The following SLC24A2 variants were observed in gnomAD, a reference collection of about 807,000 sequenced individuals.
SLC24A2 encodes solute carrier family 24 member 2, also known as sodium/potassium/calcium exchanger 2.
In SLC24A2, 36 loss-of-function variants were observed where a neutral mutation model predicts 62.0. The observed-to-expected ratio is 0.58, with a 90% CI of 0.44 to 0.77. SLC24A2 has a LOEUF of 0.77. Ranked by LOEUF, SLC24A2 falls within the 30% of genes least tolerant of loss-of-function variation. SLC24A2 has a pLI of 0.00. For synonymous variants in SLC24A2, 358 were observed against 294.0 expected, an observed-to-expected ratio of 1.22 and a Z score of -2.23; for missense variants, 846 against 817.9, an observed-to-expected ratio of 1.03 and a Z score of -0.42.
intron 8 of SLC24A2, among the ~76,000 whole-genome samples, chr9:19,532,500 T>C (rs1049682485): frequency 2.0e-5 from 3 of 152,242 alleles, no homozygotes; most frequent in African/African-American, 7.2e-5. Context: ...TTTTTTACTG[T>C]TGTATTAAAA....
chr9:20,283,198 G>T, the SLC24A2 span, among the ~76,000 whole-genome samples: 3 of 152,170 alleles, frequency 2.0e-5, no homozygotes, highest in African/African-American at 7.2e-5. Flanking sequence ...AATACCAGTG[G>T]TTTTGAGCAT....
rs2132598211 is a variant in SLC24A2, at chr9:19,509,316, A to G, written c.*6837T>C. 1 of 152,332 alleles carries G rather than the reference A, an allele frequency of 6.6e-6. No individual in the cohort carries two copies. The highest frequency in any genetic ancestry group is 1.5e-5 in the Non-Finnish European group (1 of 68,004). The allele number at this position is 152,332 out of a possible 1,614,324, so 9.4% of individuals were successfully genotyped here. ...ATTTCTTTGATTTTCAAACAGTTTTATTAAAGCACACATCTAAAATGTATA... is the reference window on the plus strand; with the variant it reads ...ATTTCTTTGATTTTCAAACAGTTTTGTTAAAGCACACATCTAAAATGTATA... On this transcript the variant is annotated 3_prime_UTR_variant, in exon 11 of 11. Transcript: ENST00000341998.
the SLC24A2 span, among the ~76,000 whole-genome samples, chr9:19,849,707 A>T: frequency 1.3e-5 from 2 of 152,192 alleles, no homozygotes; most frequent in Non-Finnish European, 2.9e-5. Flanking sequence ...ACTTTCTGTC[A>T]TGTATCCAAC....
At chr9:19,950,884 T>C in the SLC24A2 span, among the ~76,000 whole-genome samples, 1 of 152,194 alleles carries the variant, frequency 6.6e-6, no homozygotes, top group Non-Finnish European at 1.5e-5. Context: ...TTGTGGTTAC[T>C]ATAAAATCTG....
chr9:19,756,699 C>T (rs1414317929), intron 2 of SLC24A2, among the ~76,000 whole-genome samples: 1 of 152,046 alleles, frequency 6.6e-6, no homozygotes, highest in Non-Finnish European at 1.5e-5. Flanking sequence ...AGCTAAAAAC[C>T]AGATTTTGTC....
chr9:20,306,965 T>C, the SLC24A2 span, among the ~76,000 whole-genome samples: 1 of 152,204 alleles, frequency 6.6e-6, no homozygotes, highest in Non-Finnish European at 1.5e-5. Flanking sequence ...CCCAAAGTGC[T>C]GGGATTACAG....
chr9:20,024,997 T>A, the SLC24A2 span, among the ~76,000 whole-genome samples: 1 of 152,198 alleles, frequency 6.6e-6, no homozygotes, highest in African/African-American at 2.4e-5. Context: ...AGGCCAGTGG[T>A]GTTCAAAGCT....
intron 2 of SLC24A2, among the ~76,000 whole-genome samples, chr9:19,749,406 G>A (rs1349481032): frequency 1.3e-5 from 2 of 152,036 alleles, no homozygotes; most frequent in African/African-American, 4.8e-5. Flanking sequence ...GACCACCAGA[G>A]ATTAAAAAGA....
chr9:19,550,470 G>A (rs930830725), intron 7 of SLC24A2, among the ~76,000 whole-genome samples: 5 of 152,170 alleles, frequency 3.3e-5, no homozygotes, highest in Admixed American at 6.5e-5. Context: ...CCATGAGCAT[G>A]TAAGAATTTT....
the SLC24A2 span, among the ~76,000 whole-genome samples, chr9:20,248,889 G>A: frequency 6.6e-6 from 1 of 152,124 alleles, no homozygotes; most frequent in Non-Finnish European, 1.5e-5. Context: ...CTAAATAGTT[G>A]TTTCCTCCAG....
chr9:20,237,364 T>A, the SLC24A2 span, among the ~76,000 whole-genome samples: 1 of 152,218 alleles, frequency 6.6e-6, no homozygotes, highest in East Asian at 1.9e-4. Context: ...TGGAAAAAGT[T>A]AAGTCTATTA....
chr9:19,601,159 C>G, intron 4 of SLC24A2, among the ~76,000 whole-genome samples: 1 of 151,838 alleles, frequency 6.6e-6, no homozygotes, highest in Admixed American at 6.6e-5. Context: ...TTGTAAAATG[C>G]ACCAATCAGT....
the SLC24A2 span, among the ~76,000 whole-genome samples, chr9:20,008,965 G>C: frequency 6.6e-6 from 1 of 152,168 alleles, no homozygotes; most frequent in Admixed American, 6.5e-5. Flanking sequence ...CAAGAACTCA[G>C]GAGTGAGGCT....
chr9:20,306,434 A>AT, the SLC24A2 span, among the ~76,000 whole-genome samples: 2 of 152,172 alleles, frequency 1.3e-5, no homozygotes, highest in Non-Finnish European at 1.5e-5. Flanking sequence ...GTCTTGCTTA[A>AT]TTTTTTCCCA....
chr9:19,535,811 G>C (rs565635598), intron 8 of SLC24A2, among the ~76,000 whole-genome samples: 4 of 152,246 alleles, frequency 2.6e-5, no homozygotes, highest in South Asian at 2.1e-4. Context: ...GCTTAGGATT[G>C]CCTTGGCTAT....
intron 2 of SLC24A2, among the ~76,000 whole-genome samples, chr9:19,764,278 G>A (rs1170229774): frequency 1.3e-5 from 2 of 152,122 alleles, no homozygotes; most frequent in Non-Finnish European, 2.9e-5. Flanking sequence ...TGGATTCACT[G>A]ATTTTTTTGA....
intron 2 of SLC24A2, among the ~76,000 whole-genome samples, chr9:19,670,266 G>C (rs1819377585): frequency 6.6e-6 from 1 of 151,990 alleles, no homozygotes; most frequent in Non-Finnish European, 1.5e-5. Flanking sequence ...ATCTAGCCTG[G>C]GTTATTCCTT....
chr9:19,857,006 G>A, the SLC24A2 span, among the ~76,000 whole-genome samples: 1 of 152,286 alleles, frequency 6.6e-6, no homozygotes, highest in Non-Finnish European at 1.5e-5. Context: ...AAATTGCTGG[G>A]TTGTATTTTA....
intron 2 of SLC24A2, among the ~76,000 whole-genome samples, chr9:19,737,218 G>A (rs996111483): frequency 3.3e-5 from 5 of 152,178 alleles, no homozygotes; most frequent in Admixed American, 3.3e-4. Context: ...ATCTGAATGT[G>A]TTAATTTAAT....
Sources: allele counts gnomAD v4.1 joint callset (sites outside exome capture counted in the v4.1 genomes callset), GRCh38; gene constraint gnomAD v4.1.1; transcripts MANE v1.5; gene names NCBI Gene and HGNC (gene_info 2026-07-23, HGNC 2026-07-21).